CYTH3: variants seen among roughly 807,000 people sequenced by gnomAD.
CYTH3 encodes the protein cytohesin 3, also known as cytohesin-3.
A neutral mutation model predicts 55.1 loss-of-function variants in CYTH3; 23 were observed. The ratio of observed to expected loss-of-function variants is 0.42; its 90% CI spans 0.30 to 0.59. CYTH3 has a LOEUF of 0.59. Ranked by LOEUF, CYTH3 falls within the 20% of genes least tolerant of loss-of-function variation. The pLI, the probability that CYTH3 is intolerant of heterozygous loss-of-function variation, is 0.20. For missense variants in CYTH3, 413 were observed against 524.8 expected (o/e 0.79, Z 2.08); for synonymous variants, 249 against 194.9 (o/e 1.28, Z -2.31).
intron 4 of CYTH3, among the ~76,000 whole-genome samples, chr7:6,184,728 A>C (rs1484003191): frequency 6.6e-6 from 1 of 151,980 alleles, no homozygotes; most frequent in African/African-American, 2.4e-5. Context: ...ACAGGCACCC[A>C]CCACCACGCC....
rs759445103 is a variant in CYTH3 at position 6,170,887 on chromosome 7, G to A, written c.654C>T (p.Phe218=). The A allele has an allele frequency of 2.5e-6, 4 of 1,613,818 alleles. No homozygotes were observed. The South Asian group carries it at 3.3e-5, about 13-fold the overall frequency. Residue 218 remains phenylalanine, a synonymous_variant, in exon 8 of 13, where the codon TTC becomes TTT. Transcript: ENST00000350796. The surrounding 1 kb of genome is among the most constrained non-coding windows in gnomAD (Gnocchi z 7.8). The stretch of plus-strand genomic sequence containing the variant: ...CGTTGATGCCGCGGTTCATGGCGAT[G>A]AACCGTTCTGCCGTGGGCTTGTCAC... ...NVRDKPTAER[F]IAMNRGINEG... is the part of the protein sequence containing the mutation.
At chr7:6,185,496 A>ATT (rs1247098522) in intron 4 of CYTH3, among the ~76,000 whole-genome samples, 2 of 152,240 alleles carry the variant, frequency 1.3e-5, no homozygotes, top group African/African-American at 2.4e-5. Context: ...GGAGATCGAG[A>ATT]CCATCCTAGC....
At chr7:6,186,504 C>T (rs1783654644) in intron 4 of CYTH3, among the ~76,000 whole-genome samples, 1 of 152,148 alleles carries the variant, frequency 6.6e-6, no homozygotes, top group South Asian at 2.1e-4. Context: ...GAAAATCCAA[C>T]TTGAGGAAAG....
At chr7:6,179,603 CCACACACCA>C (rs1783425102) in intron 4 of CYTH3, among the ~76,000 whole-genome samples, 1 of 93,162 alleles carries the variant, frequency 1.1e-5, no homozygotes, top group African/African-American at 6.1e-5. Flanking sequence ...CACACACACA[CCACACACCA>C]CACACACACA....
chr7:6,221,079 T>C (rs957035784), intron 1 of CYTH3, among the ~76,000 whole-genome samples: 9 of 152,144 alleles, frequency 5.9e-5, no homozygotes, highest in Admixed American at 5.9e-4. Flanking sequence ...AATTAAAATG[T>C]ATGCCCACAC....
intron 1 of CYTH3, among the ~76,000 whole-genome samples, chr7:6,254,871 T>C (rs1780059845): frequency 6.6e-6 from 1 of 152,204 alleles, no homozygotes; most frequent in South Asian, 2.1e-4. Flanking sequence ...ACATATAGGA[T>C]TCATCGTACC....
At chr7:6,249,117 T>C (rs1385843938) in intron 1 of CYTH3, among the ~76,000 whole-genome samples, 2 of 152,260 alleles carry the variant, frequency 1.3e-5, no homozygotes, top group East Asian at 3.8e-4. Flanking sequence ...GCTAGCTATG[T>C]CTTCCTTTGG....
At chr7:6,253,321 A>C (rs965678488) in intron 1 of CYTH3, among the ~76,000 whole-genome samples, 1 of 151,356 alleles carries the variant, frequency 6.6e-6, no homozygotes, top group Non-Finnish European at 1.5e-5. Context: ...GGGTTCAAGC[A>C]ATTCTCGTGC....
At chr7:6,241,402 C>T (rs1022724596) in intron 1 of CYTH3, among the ~76,000 whole-genome samples, 27 of 152,126 alleles carry the variant, frequency 1.8e-4, no homozygotes, top group African/African-American at 6.3e-4. Context: ...GGCAAAAATC[C>T]GAAAGTTTGA....
At position 6,259,776 on chromosome 7, in the gene CYTH3, A is replaced by G. The variant is rs1562417582; in HGVS notation, c.34+12698T>C. Among the ~76,000 whole-genome samples the G allele has an allele frequency of 1.3e-3, 26 of 19,844 alleles. 1 individual carries two copies. Among genetic ancestry groups the G allele is most frequent in the African/African-American group, 3.5e-3 (4 of 1,158 alleles). 13.0% of individuals were successfully genotyped at this position (19,844 alleles called of 152,430 possible). A position where few individuals can be genotyped will look rare whatever the true frequency, so the allele number is the denominator to read the frequency against. ...TATATATTATATATATATATATTAT[A>G]TATATATAATATATATATATATATA... On this transcript the variant is annotated intron_variant, in intron 1 of 12. Coordinates refer to ENST00000350796, the MANE Select transcript of CYTH3 (RefSeq NM_004227.4).
intron 6 of CYTH3, among the ~76,000 whole-genome samples, chr7:6,173,262 G>A (rs2128538411): frequency 6.6e-6 from 1 of 152,304 alleles, no homozygotes; most frequent in South Asian, 2.1e-4. Context: ...CATCCTCTCT[G>A]GCACACTCAG....
At chr7:6,241,044 C>T (rs541059599) in intron 1 of CYTH3, among the ~76,000 whole-genome samples, 11 of 151,928 alleles carry the variant, frequency 7.2e-5, no homozygotes, top group African/African-American at 2.7e-4. Flanking sequence ...ATCGCTTGAA[C>T]CTGGGAGGCG....
At chr7:6,182,177 A>G (rs746991496) in intron 4 of CYTH3, among the ~76,000 whole-genome samples, 16 of 152,162 alleles carry the variant, frequency 1.1e-4, no homozygotes, top group Non-Finnish European at 1.8e-4. Flanking sequence ...CCTCCCGAGT[A>G]GCTGAGATTA....
chr7:6,165,935 T>TTTCA (rs1782987822), intron 9 of CYTH3, 125 bp from the exon 10 acceptor site: 2 of 919,524 alleles, frequency 2.2e-6, no homozygotes, highest in Non-Finnish European at 3.3e-6. Flanking sequence ...CAGGCTTGGG[T>TTTCA]TCAGGTGTCC....
chr7:6,272,409 C>CGGGGGGGGGGGGGGGGGGGG, intron 1 of CYTH3, 65 bp downstream of exon 1: 7 of 1,212,386 alleles, frequency 5.8e-6, no homozygotes, highest in Non-Finnish European at 7.4e-6. Context: ...GCCGCGCCCT[C>CGGGGGGGGGGGGGGGGGGGG]GACCCCCAGC....
intron 1 of CYTH3, among the ~76,000 whole-genome samples, chr7:6,230,241 C>T (rs181349749): frequency 2.0e-5 from 3 of 152,100 alleles, no homozygotes; most frequent in Non-Finnish European, 2.9e-5. Context: ...TGCATGTGGC[C>T]GTTATTATTG....
chr7:6,221,043 C>T (rs1167674697), intron 1 of CYTH3, among the ~76,000 whole-genome samples: 4 of 151,904 alleles, frequency 2.6e-5, no homozygotes, highest in East Asian at 3.9e-4. Flanking sequence ...AGCAATATCA[C>T]CTGAGAAATT....
intron 1 of CYTH3, among the ~76,000 whole-genome samples, chr7:6,231,284 G>A (rs577959822): frequency 6.6e-6 from 1 of 152,314 alleles, no homozygotes; most frequent in African/African-American, 2.4e-5. Flanking sequence ...AAGAGAAAAG[G>A]GACTTGGAGG....
At chr7:6,225,456 C>A (rs1291834421) in intron 1 of CYTH3, among the ~76,000 whole-genome samples, 2 of 151,416 alleles carry the variant, frequency 1.3e-5, no homozygotes, top group East Asian at 1.9e-4. Flanking sequence ...CGGGTTCAAG[C>A]GATTCACCTG....
Sources: allele counts gnomAD v4.1 joint callset (sites outside exome capture counted in the v4.1 genomes callset), GRCh38; gene constraint gnomAD v4.1.1; non-coding constraint Gnocchi (gnomAD v3.1); transcripts MANE v1.5; gene names NCBI Gene and HGNC (gene_info 2026-07-23, HGNC 2026-07-21).